FLOT1: variants seen among roughly 807,000 people sequenced by gnomAD.
The protein encoded by FLOT1 is flotillin 1, also known as flotillin-1.
FLOT1 carries 40 observed loss-of-function variants against 58.4 expected under a neutral mutation model. That is an observed-to-expected ratio of 0.69 (90% confidence interval 0.53 to 0.89). FLOT1 has a LOEUF of 0.89. FLOT1 is among the 40% of genes least tolerant of loss of function. FLOT1 has a pLI of 0.00. For missense variants in FLOT1, 423 were observed against 540.8 expected (o/e 0.78, Z 2.16); for synonymous variants, 178 against 204.2 (o/e 0.87, Z 1.09).
chr6:30,728,549 A>G (rs1776910752), intron 12 of FLOT1, among the ~76,000 whole-genome samples: 1 of 150,456 alleles, frequency 6.6e-6, no homozygotes, highest in South Asian at 2.1e-4. Context: ...GGCTTACTGC[A>G]GCCTCCGCCT....
intron 12 of FLOT1, among the ~76,000 whole-genome samples, chr6:30,728,389 T>C (rs1431418861): frequency 6.6e-6 from 1 of 152,066 alleles, no homozygotes; most frequent in Non-Finnish European, 1.5e-5. Context: ...AATATTCTAC[T>C]GCAGGCCTCC....
In FLOT1 at chr6:30,731,007, C is replaced by G. The variant is rs1184526864; in HGVS notation, c.817G>C (p.Ala273Pro). Residue 273 changes from alanine to proline, a missense_variant, in exon 9 of 13, where the codon GCC (alanine) becomes CCC (proline). Ala to Pro is a conservative substitution (Grantham distance 27, BLOSUM62 -1). Around this residue, in one of 6 missense-constraint regions of FLOT1, gnomAD observed 106 missense variants for 88.4 expected, o/e 1.20. Transcript: ENST00000376389. The part of the protein sequence containing the change: ...QQVAVQEQEI[A>P]RREKELEARV... ...GCCTCCAGCTCCTTCTCCCGCCGGG[C>G]GATCTCCTGCTCCTGCACTGCCACC... 14 of 1,613,398 alleles carry G rather than the reference C, an allele frequency of 8.7e-6. No individual in the cohort carries two copies. Among genetic ancestry groups the G allele is most frequent in the African/African-American group, 1.3e-5 (1 of 74,934 alleles).
At position 30,727,952 on chromosome 6, in the gene FLOT1, G is replaced by T; in HGVS notation, c.*164C>A. 1 of 707,334 alleles carries T rather than the reference G, an allele frequency of 1.4e-6. No individual in the cohort carries two copies. Among genetic ancestry groups the T allele is most frequent in the Non-Finnish European group, 2.5e-6 (1 of 392,808 alleles). 43.8% of individuals were successfully genotyped at this position (707,334 alleles called of 1,614,324 possible). A position where few individuals can be genotyped will look rare whatever the true frequency, so the allele number is the denominator to read the frequency against. ...TAGCAGTGTGAGGTTGGCAAGGGGA[G>T]CAACCCCCTTCAAGACAAGGCACAA... On this transcript the variant is annotated 3_prime_UTR_variant, in exon 13 of 13. Transcript: ENST00000376389.
rs193187921 is a variant in FLOT1 at position 30,741,952 on chromosome 6, C to T, written c.44-85G>A. 2.3e-6 allele frequency: 3 copies of T among 1,330,758 alleles called. No individual in the cohort carries two copies. In the East Asian group the frequency reaches 6.9e-5, roughly 31 times the overall value. 82.4% of individuals were successfully genotyped at this position (1,330,758 alleles called of 1,614,324 possible). ...CTGGCGGGGGTGAGGGGACAGCAAC[C>T]CACAGGAGAGAATCTGGGAGCTGGA... On this transcript the variant is annotated intron_variant, in intron 2 of 12. Coordinates refer to ENST00000376389, the MANE Select transcript of FLOT1 (RefSeq NM_005803.4). The surrounding 1 kb of genome is among the most constrained non-coding windows in gnomAD (Gnocchi z 5.9).
In FLOT1 at chr6:30,740,577, A is replaced by G; in HGVS notation, c.489T>C (p.Ser163=). 1 of 1,613,050 alleles carries G rather than the reference A, an allele frequency of 6.2e-7. No homozygotes were observed. Among genetic ancestry groups the G allele is most frequent in the Non-Finnish European group, 8.5e-7 (1 of 1,180,034 alleles). ...DIHDDQDYLH[S]LGKARTAQVQ... is the part of the protein sequence containing the mutation. The stretch of plus-strand genomic sequence containing the variant: ...CTTGAGCTGTTCGAGCCTTCCCCAA[A>G]GAGTGCAAATAGTCCTGTGGGAGAG... The change falls in exon 7 of 13, where the codon TCT becomes TCC. Residue 163 remains serine (S), a synonymous_variant. Transcript: ENST00000376389.
In FLOT1 at chr6:30,741,073, C is replaced by T. The variant is rs556875495; in HGVS notation, c.354+117G>A. The T allele has an allele frequency of 3.3e-5, 43 of 1,311,296 alleles. No homozygotes were observed. Among genetic ancestry groups the T allele is most frequent in the South Asian group, 9.2e-5 (7 of 75,996 alleles). 81.2% of individuals were successfully genotyped at this position (1,311,296 alleles called of 1,614,324 possible). ...AAGTGCTGGGATTACAGGCATGAAC[C>T]ACCCTGCCCGGCCGGGATGTATGCT... On this transcript the variant is annotated intron_variant, in intron 5 of 12. Coordinates refer to ENST00000376389, the MANE Select transcript of FLOT1 (RefSeq NM_005803.4). This position sits in a 1 kb window ranked among gnomAD's most constrained non-coding sequence, Gnocchi z 5.9.
chr6:30,740,209 G>A lies in FLOT1; in HGVS notation c.672C>T (p.Asp224=). Residue 224 remains aspartate, a synonymous_variant, in exon 8 of 13, where the codon GAC becomes GAT. Transcript: ENST00000376389. ...GTGCTCGGCGGGTGTTGACCTCGAT[G>A]TCATAGGCGGCCTTCTTCAGTTCGT... ...RDYELKKAAY[D]IEVNTRRAQA... is the part of the protein sequence containing the mutation. 6.2e-7 allele frequency: 1 copy of A among 1,613,050 alleles called. No homozygotes were observed. Among genetic ancestry groups the A allele is most frequent in the Non-Finnish European group, 8.5e-7 (1 of 1,180,036 alleles).
chr6:30,741,918 A>G lies in FLOT1; in HGVS notation c.44-51T>C. On this transcript the variant is annotated intron_variant, in intron 2 of 12. Transcript: ENST00000376389. This position sits in a 1 kb window ranked among gnomAD's most constrained non-coding sequence, Gnocchi z 5.9. ...CGGTGGCAGAGCTTGAATGTGGAAG[A>G]CTGAGGAACTGGCGGGGGTGAGGGG... The G allele has an allele frequency of 6.5e-7, 1 of 1,542,176 alleles. No individual in the cohort carries two copies.
chr6:30,733,371 G>A (rs1777333919), intron 8 of FLOT1, among the ~76,000 whole-genome samples: 1 of 152,178 alleles, frequency 6.6e-6, no homozygotes, highest in African/African-American at 2.4e-5. Context: ...TAGGCTGAAA[G>A]CAGGCTGCTA....
Position 30,727,897 on chromosome 6 carries a change from C to T in FLOT1, c.*219G>A. On this transcript the variant is annotated 3_prime_UTR_variant, in exon 13 of 13. Coordinates refer to ENST00000376389, the MANE Select transcript of FLOT1 (RefSeq NM_005803.4). ...GGGGTGGAGTGGGATCATCAGAAGGCTGACATGGGACCGCTGGAGTTGGCA... is the reference window on the plus strand; with the variant it reads ...GGGGTGGAGTGGGATCATCAGAAGGTTGACATGGGACCGCTGGAGTTGGCA... 1 of 612,460 alleles carries T rather than the reference C, an allele frequency of 1.6e-6. No individual in the cohort carries two copies. The highest frequency in any genetic ancestry group is 1.9e-5 in the South Asian group (1 of 52,904). 37.9% of individuals were successfully genotyped at this position (612,460 alleles called of 1,614,324 possible).
intron 8 of FLOT1, among the ~76,000 whole-genome samples, chr6:30,736,858 G>A (rs1160916070): frequency 1.3e-5 from 2 of 152,076 alleles, no homozygotes; most frequent in South Asian, 4.1e-4. Context: ...CTCCCAAAGT[G>A]TTGGGATTAC....
Position 30,741,544 on chromosome 6 carries a change from G to C in FLOT1, c.210+70C>G. 2 of 1,347,728 alleles carry C rather than the reference G, an allele frequency of 1.5e-6. No individual in the cohort carries two copies. Among genetic ancestry groups the C allele is most frequent in the Non-Finnish European group, 2.1e-6 (2 of 940,268 alleles). 83.5% of individuals were successfully genotyped at this position (1,347,728 alleles called of 1,614,324 possible). A position where few individuals can be genotyped will look rare whatever the true frequency, so the allele number is the denominator to read the frequency against. On this transcript the variant is annotated intron_variant, in intron 4 of 12. Coordinates refer to ENST00000376389, the MANE Select transcript of FLOT1 (RefSeq NM_005803.4). The surrounding 1 kb of genome is among the most constrained non-coding windows in gnomAD (Gnocchi z 5.9). ...AGGGTTGAGAAGACTGTGGCCAGAA[G>C]ATGTCTTAATGTCTGGGAGAGAGGG...
At position 30,737,233 on chromosome 6, in the gene FLOT1, C is replaced by T. The variant is rs574634342; in HGVS notation, c.723+2925G>A. The stretch of plus-strand genomic sequence containing the variant: ...TCGTCCGTCCGTCCGTCCGTCCGTC[C>T]GTCCGTCCGTCCGTCCATCCGTCCA... On this transcript the variant is annotated intron_variant, in intron 8 of 12. Coordinates refer to ENST00000376389, the MANE Select transcript of FLOT1 (RefSeq NM_005803.4). The surrounding 1 kb of genome is among the most constrained non-coding windows in gnomAD (Gnocchi z 4.4). Among the ~76,000 whole-genome samples the T allele has an allele frequency of 1.4e-4, 20 of 147,240 alleles. No individual in the cohort carries two copies. Among genetic ancestry groups the T allele is most frequent in the African/African-American group, 4.8e-4 (19 of 39,200 alleles).
Position 30,740,834 on chromosome 6 carries a change from GTTTTTTTTTTT to G in FLOT1, c.355-47_355-37del, listed in dbSNP as rs34375360. On this transcript the variant is annotated intron_variant, in intron 5 of 12. Transcript: ENST00000376389. ...AGGATGGTGGGGAGAAGGGATGTAA[GTTTTTTTTTTT>G]TTTTTTTTTTTGCTCACTGCAACCT... 5.3e-6 allele frequency: 7 copies of G among 1,314,568 alleles called. No individual in the cohort carries two copies. The South Asian group carries it at 6.3e-5, about 12-fold the overall frequency. 81.4% of individuals were successfully genotyped at this position (1,314,568 alleles called of 1,614,324 possible). A position where few individuals can be genotyped will look rare whatever the true frequency, so the allele number is the denominator to read the frequency against.
rs1380457213 is a variant in FLOT1, at chr6:30,742,123, TGGGAA to T, written c.43+19_43+23del. 2 of 1,611,400 alleles carry T rather than the reference TGGGAA, an allele frequency of 1.2e-6. No individual in the cohort carries two copies. Among genetic ancestry groups the T allele is most frequent in the African/African-American group, 1.3e-5 (1 of 74,984 alleles). ...TCACAGGGGTTCTGGGGTCACTGGC[TGGGAA>T]GGGAACAACAGTACTTACCGGAGAC... On this transcript the variant is annotated intron_variant, in intron 2 of 12. Transcript: ENST00000376389. The surrounding 1 kb of genome is among the most constrained non-coding windows in gnomAD (Gnocchi z 5.2).
chr6:30,740,380 C>T (rs1777881238), intron 7 of FLOT1, 70 bp from the exon 8 acceptor site: 1 of 1,593,930 alleles, frequency 6.3e-7, no homozygotes, highest in Admixed American at 1.7e-5. Context: ...AGCCTGCTTC[C>T]CACCAAGGTT....
intron 12 of FLOT1, among the ~76,000 whole-genome samples, chr6:30,729,428 T>C (rs1337792633): frequency 1.3e-5 from 2 of 152,206 alleles, no homozygotes; most frequent in African/African-American, 4.8e-5. Flanking sequence ...GGCACTATTC[T>C]AAACACTGCA....
chr6:30,738,535 T>G (rs990926192), intron 8 of FLOT1, among the ~76,000 whole-genome samples: 1 of 152,190 alleles, frequency 6.6e-6, no homozygotes, highest in African/African-American at 2.4e-5. Flanking sequence ...AAATACAGGC[T>G]AGGTTCCCGT....
chr6:30,741,879 G>A lies in FLOT1; in HGVS notation c.44-12C>T, dbSNP rs1199505223. On this transcript the variant is annotated splice_polypyrimidine_tract_variant and intron_variant, in intron 2 of 12. Transcript: ENST00000376389. This position sits in a 1 kb window ranked among gnomAD's most constrained non-coding sequence, Gnocchi z 5.9. ...GCTTCGGCAGAACCCTGCAAGGTGT[G>A]GGGCAGTGAGGAACGGTGGCAGAGC... 2 of 1,611,152 alleles carry A rather than the reference G, an allele frequency of 1.2e-6. No individual in the cohort carries two copies. The highest frequency in any genetic ancestry group is 8.5e-7 in the Non-Finnish European group (1 of 1,179,206).
Sources: gnomAD v4.1 joint callset for allele counts (sites outside exome capture counted in the v4.1 genomes callset) on GRCh38, gnomAD v4.1.1 for gene constraint, gnomAD v4.1.1 regional missense constraint, Gnocchi (gnomAD v3.1) non-coding constraint, MANE v1.5 for transcripts, NCBI Gene and HGNC (gene_info 2026-07-23, HGNC 2026-07-21) for gene names.